The following SLC16A14 variants were observed in gnomAD, a reference collection of about 807,000 sequenced individuals.
SLC16A14 encodes monocarboxylate transporter 14.
Under a neutral mutation model 35.8 loss-of-function variants are expected in SLC16A14, and 14 were observed. The ratio of observed to expected loss-of-function variants is 0.39; its 90% confidence interval spans 0.26 to 0.61. SLC16A14 has a LOEUF of 0.61. SLC16A14 is among the 20% of genes least tolerant of loss of function. The pLI is 0.51. For missense variants in SLC16A14, 533 were observed against 655.0 expected (o/e 0.81, Z 2.03); for synonymous variants, 248 against 258.9 (o/e 0.96, Z 0.40).
chr2:230,039,670 C>T (rs1054016725), intron 4 of SLC16A14, among the ~76,000 whole-genome samples: 1 of 152,180 alleles, frequency 6.6e-6, no homozygotes. Context: ...ATGAGGTTCT[C>T]ATAGTCCACT....
rs772149011 is a variant in SLC16A14 at position 230,046,106 on chromosome 2, G to A, written c.1020C>T (p.Ile340=). The change falls in exon 4 of 5, where the codon ATC becomes ATT. Residue 340 remains isoleucine, a synonymous_variant. Coordinates refer to ENST00000295190, the MANE Select transcript of SLC16A14 (RefSeq NM_152527.5). The surrounding 1 kb of genome is among the most constrained non-coding windows in gnomAD (Gnocchi z 5.0). ...GCTCCGATAAGTTATACAAATTGAC[G>A]ATTTCTGGGAGGTGAATGAAGGGGA... The part of the protein sequence containing the change: ...FVIPFIHLPE[I]VNLYNLSEQN... 6.2e-5 allele frequency: 100 copies of A among 1,613,880 alleles called. 3 individuals are homozygous for A. The Admixed American group carries it at 1.4e-3, about 22-fold the overall frequency.
chr2:230,045,732 T>C lies in SLC16A14; in HGVS notation c.1381+13A>G. The C allele has an allele frequency of 6.2e-7, 1 of 1,614,158 alleles. No homozygotes were observed. Among genetic ancestry groups the C allele is most frequent in the Non-Finnish European group, 8.5e-7 (1 of 1,180,012 alleles). ...ACATGCACTCTGAGCTCTTAAAACC[T>C]CAGAGAGTTTACCTGCAAAAGGTGG... is the stretch of plus-strand genomic sequence containing the variant. On this transcript the variant is annotated intron_variant, in intron 4 of 4. Transcript: ENST00000295190.
chr2:230,054,226 T>C (rs2077686918), intron 2 of SLC16A14, among the ~76,000 whole-genome samples: 1 of 152,112 alleles, frequency 6.6e-6, no homozygotes, highest in Non-Finnish European at 1.5e-5. Flanking sequence ...CCAAGAATGA[T>C]TCAGAGCTAG....
intron 2 of SLC16A14, among the ~76,000 whole-genome samples, chr2:230,053,795 C>A (rs1332883973): frequency 6.6e-6 from 1 of 151,986 alleles, no homozygotes; most frequent in Non-Finnish European, 1.5e-5. Context: ...AAAAAGTGTC[C>A]CACTGCTGTG....
intron 2 of SLC16A14, among the ~76,000 whole-genome samples, chr2:230,055,262 G>A (rs1287764449): frequency 1.3e-5 from 2 of 152,170 alleles, no homozygotes; most frequent in Non-Finnish European, 2.9e-5. Context: ...TGCAGTGCGT[G>A]CTAAATAAAG....
At chr2:230,044,228 C>T (rs2077582135) in intron 4 of SLC16A14, among the ~76,000 whole-genome samples, 1 of 150,534 alleles carries the variant, frequency 6.6e-6, no homozygotes, top group Non-Finnish European at 1.5e-5. Flanking sequence ...AATCCCAGCA[C>T]TTTGGGAGGC....
At chr2:230,066,693 G>A (rs561459134) in intron 1 of SLC16A14, 1 of 412,370 alleles carries the variant, frequency 2.4e-6, no homozygotes, top group East Asian at 7.8e-5. Flanking sequence ...GGAGTGCACT[G>A]GTGAGATCTC....
intron 2 of SLC16A14, among the ~76,000 whole-genome samples, chr2:230,057,700 T>A (rs997141205): frequency 1.6e-4 from 24 of 152,198 alleles, no homozygotes; most frequent in African/African-American, 5.3e-4. Context: ...GATTTTTCAA[T>A]AATGAAAAAT....
intron 4 of SLC16A14, among the ~76,000 whole-genome samples, chr2:230,041,668 C>G (rs531832657): frequency 6.6e-6 from 1 of 152,222 alleles, no homozygotes; most frequent in Admixed American, 6.5e-5. Flanking sequence ...AAATGCCCAA[C>G]AATATTATAA....
At chr2:230,064,676 T>G (rs1246017321) in intron 1 of SLC16A14, among the ~76,000 whole-genome samples, 5 of 152,214 alleles carry the variant, frequency 3.3e-5, no homozygotes, top group African/African-American at 1.2e-4. Context: ...GAAGTTCATT[T>G]ACAACCAAGG....
At chr2:230,066,619 A>G (rs1006084167) in intron 1 of SLC16A14, 11 of 435,674 alleles carry the variant, frequency 2.5e-5, no homozygotes, top group African/African-American at 2.3e-4. Context: ...AGCAGCGTAG[A>G]AAGTTTTACA....
intron 1 of SLC16A14, chr2:230,067,314 T>G (rs2106286004): frequency 6.6e-6 from 1 of 152,576 alleles, no homozygotes; most frequent in African/African-American, 2.4e-5. Context: ...CATACATGCT[T>G]CGCTCTGGGT....
chr2:230,035,025 T>C lies in SLC16A14; in HGVS notation c.*2355A>G, dbSNP rs2106233728. The C allele has an allele frequency of 6.6e-6, 1 of 152,334 alleles. No individual in the cohort carries two copies. The highest frequency in any genetic ancestry group is 2.1e-4 in the South Asian group (1 of 4,834). 9.4% of individuals were successfully genotyped at this position (152,334 alleles called of 1,614,324 possible). ...TATTTAGTTGTATGTAAATAAAAAT[T>C]ACTTGGATACATGAGGGGAAAACGA... is the stretch of plus-strand genomic sequence containing the variant. On this transcript the variant is annotated 3_prime_UTR_variant, in exon 5 of 5. Coordinates refer to ENST00000295190, the MANE Select transcript of SLC16A14 (RefSeq NM_152527.5).
chr2:230,044,926 G>A (rs375416225), intron 4 of SLC16A14, among the ~76,000 whole-genome samples: 8 of 152,004 alleles, frequency 5.3e-5, no homozygotes, highest in East Asian at 1.9e-4. Context: ...ACTTATTATC[G>A]CAACAATAGG....
In SLC16A14 at chr2:230,040,882, T is replaced by C. The variant is rs576639671; in HGVS notation, c.1382-3351A>G. On this transcript the variant is annotated intron_variant, in intron 4 of 4. Coordinates refer to ENST00000295190, the MANE Select transcript of SLC16A14 (RefSeq NM_152527.5). ...GAGAGACAGGACTCTACCAGGAGCT[T>C]TGACTCTCAGCACAAGTTGACACAA... 6.1e-4 allele frequency among the ~76,000 whole-genome samples: 93 copies of C among 152,280 alleles called. 1 individual carries two copies. Among genetic ancestry groups the C allele is most frequent in the South Asian group, 2.1e-3 (10 of 4,826 alleles).
intron 2 of SLC16A14, among the ~76,000 whole-genome samples, chr2:230,056,899 AAAAG>A (rs1420447090): frequency 6.6e-6 from 1 of 151,432 alleles, no homozygotes; most frequent in East Asian, 1.9e-4. Flanking sequence ...AAAAAAAAAA[AAAAG>A]AGTTGAATGC....
intron 2 of SLC16A14, among the ~76,000 whole-genome samples, chr2:230,054,277 A>G (rs781716980): frequency 5.9e-5 from 9 of 152,198 alleles, no homozygotes; most frequent in Non-Finnish European, 1.2e-4. Flanking sequence ...AAGAAAATAC[A>G]GACTTGGCAC....
intron 2 of SLC16A14, among the ~76,000 whole-genome samples, chr2:230,054,087 G>T (rs868337074): frequency 0.013 from 1,058 of 84,386 alleles, 11 homozygotes; most frequent in African/African-American, 0.038. Context: ...AGCCTGAGGT[G>T]GGGGGGGAAG....
rs2077533966 is a variant in SLC16A14 at position 230,038,240 on chromosome 2, C to A, written c.1382-709G>T. 6.6e-6 allele frequency among the ~76,000 whole-genome samples: 1 copy of A among 152,118 alleles called. No individual in the cohort carries two copies. The highest frequency in any genetic ancestry group is 2.1e-4 in the South Asian group (1 of 4,830). On this transcript the variant is annotated intron_variant, in intron 4 of 4. Coordinates refer to ENST00000295190, the MANE Select transcript of SLC16A14 (RefSeq NM_152527.5). The surrounding 1 kb of genome is among the most constrained non-coding windows in gnomAD (Gnocchi z 4.4). ...TAATATAATAATCTTATTAGACATT[C>A]TGTAAAATACCACTATATTTCATGA...
Sources: allele counts gnomAD v4.1 joint callset (sites outside exome capture counted in the v4.1 genomes callset), GRCh38; gene constraint gnomAD v4.1.1; non-coding constraint Gnocchi (gnomAD v3.1); transcripts MANE v1.5; gene names NCBI Gene and HGNC (gene_info 2026-07-23, HGNC 2026-07-21).